Variants in RRM2B observed in about 807,000 individuals in gnomAD.
RRM2B encodes the protein ribonucleotide reductase regulatory TP53 inducible subunit M2B, also known as ribonucleoside-diphosphate reductase subunit M2 B.
RRM2B carries 20 observed loss-of-function variants against 45.9 expected under a neutral mutation model. The observed-to-expected ratio is 0.44, with a 90% confidence interval of 0.31 to 0.63. RRM2B has a LOEUF of 0.63. RRM2B is among the 30% of genes least tolerant of loss of function. The pLI is 0.09. For missense variants in RRM2B, 320 were observed against 414.7 expected (o/e 0.77, Z 1.98); for synonymous variants, 124 against 132.3 (o/e 0.94, Z 0.43).
chr8:102,217,862 A>G (rs1298017741), intron 6 of RRM2B, among the ~76,000 whole-genome samples: 2 of 152,050 alleles, frequency 1.3e-5, no homozygotes, highest in African/African-American at 4.8e-5. Context: ...AAAGATGGAA[A>G]GGGTAGAAAG....
intron 2 of RRM2B, among the ~76,000 whole-genome samples, chr8:102,230,853 C>T (rs1811014558): frequency 6.6e-6 from 1 of 152,182 alleles, no homozygotes; most frequent in African/African-American, 2.4e-5. Flanking sequence ...CATAACAACA[C>T]AAATAGCCAA....
At chr8:102,227,570 GGGAGT>G (rs1810954169) in intron 2 of RRM2B, among the ~76,000 whole-genome samples, 1 of 152,164 alleles carries the variant, frequency 6.6e-6, no homozygotes, top group African/African-American at 2.4e-5. Flanking sequence ...CCAAAGTGCT[GGGAGT>G]ACAGGCCTGA....
At position 102,212,892 on chromosome 8, in the gene RRM2B, G is replaced by A. The variant is rs946758194; in HGVS notation, c.790-3C>T. The A allele has an allele frequency of 1.3e-6, 2 of 1,489,960 alleles. No homozygotes were observed. Among genetic ancestry groups the A allele is most frequent in the Admixed American group, 3.4e-5 (2 of 59,672 alleles). 92.3% of individuals were successfully genotyped at this position (1,489,960 alleles called of 1,614,324 possible). A position where few individuals can be genotyped will look rare whatever the true frequency, so the allele number is the denominator to read the frequency against. ...GGCAAGGCTTCTGTTAAAAACTCCT[G>A]GGATGAAAACAAAAACAGAATAAAG... On this transcript the variant is annotated splice_polypyrimidine_tract_variant and splice_region_variant and intron_variant, in intron 7 of 8. Coordinates refer to ENST00000251810, the MANE Select transcript of RRM2B (RefSeq NM_015713.5).
At chr8:102,225,853 T>C in intron 3 of RRM2B, 65 bp downstream of exon 3, 1 of 882,426 alleles carries the variant, frequency 1.1e-6, no homozygotes. Flanking sequence ...TTTAATAATC[T>C]TACTGACATT....
intron 6 of RRM2B, among the ~76,000 whole-genome samples, chr8:102,217,997 A>G (rs969872164): frequency 5.9e-5 from 9 of 152,216 alleles, no homozygotes; most frequent in African/African-American, 2.2e-4. Context: ...GAGACACTCA[A>G]TGAAATAGGA....
intron 6 of RRM2B, among the ~76,000 whole-genome samples, chr8:102,214,907 A>T (rs1194785687): frequency 1.3e-5 from 2 of 151,468 alleles, no homozygotes; most frequent in Non-Finnish European, 2.9e-5. Context: ...ACCAAAAATG[A>T]AAATAAACTT....
At position 102,207,426 on chromosome 8, in the gene RRM2B, C is replaced by T. The variant is rs2132538809; in HGVS notation, c.*707G>A. Reference sequence around the variant, plus strand: ...TAAGGTCAACTACCATGATAACCTCCTGGTTTCCACTCCATAAGTAGGCTT... The same window carrying T: ...TAAGGTCAACTACCATGATAACCTCTTGGTTTCCACTCCATAAGTAGGCTT... On this transcript the variant is annotated 3_prime_UTR_variant, in exon 9 of 9. Coordinates refer to ENST00000251810, the MANE Select transcript of RRM2B (RefSeq NM_015713.5). 1 of 152,284 alleles carries T rather than the reference C, an allele frequency of 6.6e-6. No individual in the cohort carries two copies. The highest frequency in any genetic ancestry group is 3.4e-3 in the Middle Eastern group (1 of 294). The allele number at this position is 152,284 out of a possible 1,614,324, so 9.4% of individuals were successfully genotyped here.
intron 5 of RRM2B, among the ~76,000 whole-genome samples, chr8:102,222,447 T>C (rs537469469): frequency 6.6e-6 from 1 of 152,324 alleles, no homozygotes; most frequent in African/African-American, 2.4e-5. Flanking sequence ...GTATACTACA[T>C]GCTGGCCCAT....
At chr8:102,226,137 G>A (rs927090369) in intron 2 of RRM2B, 103 bp from the exon 3 acceptor site, 29 of 729,564 alleles carry the variant, frequency 4.0e-5, no homozygotes, top group African/African-American at 2.6e-4. Flanking sequence ...CCCACTACCA[G>A]TAAACTATGG....
chr8:102,225,759 A>C (rs28928568), intron 3 of RRM2B, among the ~76,000 whole-genome samples, 159 bp downstream of exon 3: 5,353 of 152,334 alleles, frequency 0.035, 164 homozygotes, highest in Admixed American at 0.085. Flanking sequence ...TTTGCTGGTC[A>C]AAGGATAAGC....
chr8:102,224,164 G>C, intron 4 of RRM2B, 24 bp from the exon 5 acceptor site: 2 of 1,392,874 alleles, frequency 1.4e-6, no homozygotes, highest in Non-Finnish European at 2.0e-6. Context: ...AGAATGAACA[G>C]CAAAGTTATT....
At chr8:102,209,500 G>A (rs1233414571) in intron 8 of RRM2B, among the ~76,000 whole-genome samples, 1 of 152,190 alleles carries the variant, frequency 6.6e-6, no homozygotes, top group Non-Finnish European at 1.5e-5. Flanking sequence ...TGTTGGTGCG[G>A]ATGTGGAGAA....
At chr8:102,226,626 G>C (rs1040066231) in intron 2 of RRM2B, among the ~76,000 whole-genome samples, 2 of 152,028 alleles carry the variant, frequency 1.3e-5, no homozygotes, top group African/African-American at 4.8e-5. Context: ...AGATAATTAG[G>C]CACCTATTAA....
At chr8:102,238,702 C>A in intron 1 of RRM2B, 125 bp downstream of exon 1, 1 of 1,560,992 alleles carries the variant, frequency 6.4e-7, no homozygotes, top group East Asian at 2.4e-5. Context: ...CAGGCTGCGG[C>A]GAGGGCGGGC....
chr8:102,231,596 C>T (rs571945165), intron 2 of RRM2B, among the ~76,000 whole-genome samples: 7 of 152,092 alleles, frequency 4.6e-5, no homozygotes, highest in Non-Finnish European at 8.8e-5. Flanking sequence ...GTTGGCTGGG[C>T]GTGGTGGCTC....
At chr8:102,236,214 G>A (rs535816475) in intron 1 of RRM2B, among the ~76,000 whole-genome samples, 14 of 152,244 alleles carry the variant, frequency 9.2e-5, no homozygotes, top group Admixed American at 3.9e-4. Flanking sequence ...TTCAAACATC[G>A]GAGGTCTAGA....
chr8:102,224,108 G>C lies in RRM2B; in HGVS notation c.488C>G (p.Pro163Arg). ...EFLFNAIETM[P>R]YVKKKADWAL... ...CCAATCTGCTTTTTTCTTAACATAGGGCATGGTTTCAATTGCATTAAATAA... is the reference window on the plus strand; with the variant it reads ...CCAATCTGCTTTTTTCTTAACATAGCGCATGGTTTCAATTGCATTAAATAA... Residue 163 changes from proline to arginine, a missense_variant, in exon 5 of 9, where the codon CCC (proline) becomes CGC (arginine). Pro to Arg is a moderately radical substitution (Grantham distance 103, BLOSUM62 -2). Around this residue, in one of 3 missense-constraint regions of RRM2B, gnomAD observed 225 missense variants for 289.4 expected, o/e 0.78. Coordinates refer to ENST00000251810, the MANE Select transcript of RRM2B (RefSeq NM_015713.5). 1 of 1,612,472 alleles carries C rather than the reference G, an allele frequency of 6.2e-7. No individual in the cohort carries two copies. The highest frequency in any genetic ancestry group is 8.5e-7 in the Non-Finnish European group (1 of 1,178,750).
intron 1 of RRM2B, chr8:102,238,424 T>C (rs907830054): frequency 1.4e-6 from 1 of 709,126 alleles, no homozygotes; most frequent in Non-Finnish European, 2.0e-6. Context: ...CTTGTCACCA[T>C]CCCAAATGGT....
At chr8:102,210,089 T>C (rs1413882848) in intron 8 of RRM2B, among the ~76,000 whole-genome samples, 2 of 152,214 alleles carry the variant, frequency 1.3e-5, no homozygotes, top group Admixed American at 1.3e-4. Flanking sequence ...TAGGTTGTTA[T>C]GATGGTTGTA....
Sources: gnomAD v4.1 joint callset for allele counts (sites outside exome capture counted in the v4.1 genomes callset) on GRCh38, gnomAD v4.1.1 for gene constraint, gnomAD v4.1.1 regional missense constraint, MANE v1.5 for transcripts, NCBI Gene and HGNC (gene_info 2026-07-23, HGNC 2026-07-21) for gene names.